The following PAK3 variants were observed in gnomAD, a reference collection of about 807,000 sequenced individuals.
The protein encoded by PAK3 is serine/threonine-protein kinase PAK 3.
PAK3 carries 4 observed loss-of-function variants against 41.0 expected under a neutral mutation model. That is an observed-to-expected ratio of 0.10 (90% confidence interval 0.05 to 0.22). The LOEUF is 0.22. Among genes scored for constraint, PAK3 ranks in the 10% least tolerant of loss-of-function variants. The pLI is 1.00. For missense variants in PAK3, 205 were observed against 409.9 expected (o/e 0.50, Z 4.32); for synonymous variants, 146 against 139.6 (o/e 1.05, Z -0.32).
intron 8 of PAK3, among the ~76,000 whole-genome samples, chrX:111,161,379 T>A (rs373775233): frequency 0.05 from 5,583 of 111,303 alleles, 380 homozygotes; most frequent in African/African-American, 0.17. Flanking sequence ...CTTTGTCAGA[T>A]GAGTAGGTTG....
intron 1 of PAK3, among the ~76,000 whole-genome samples, chrX:111,006,306 G>T (rs2091922705): frequency 8.9e-6 from 1 of 111,850 alleles, no homozygotes; most frequent in Admixed American, 9.5e-5. Context: ...TAACCATGGT[G>T]CTGTGATTAC....
intron 1 of PAK3, among the ~76,000 whole-genome samples, chrX:110,945,736 T>C (rs2090604623): frequency 8.9e-6 from 1 of 112,016 alleles, no homozygotes. Flanking sequence ...GAGGTTTTTT[T>C]TTTCTTTCTT....
intron 1 of PAK3, among the ~76,000 whole-genome samples, chrX:110,962,258 A>G (rs750686758): frequency 3.1e-4 from 35 of 111,898 alleles, no homozygotes; most frequent in Middle Eastern, 9.2e-3. Flanking sequence ...TTTTAGAAAT[A>G]CTCTGACTCC....
chrX:110,948,040 C>T (rs1395607842), intron 1 of PAK3, among the ~76,000 whole-genome samples: 1 of 112,224 alleles, frequency 8.9e-6, no homozygotes, highest in Admixed American at 9.4e-5. Flanking sequence ...CCTGATAATG[C>T]AGGCCCAAAT....
At chrX:111,059,083 C>T (rs1369923966) in intron 1 of PAK3, among the ~76,000 whole-genome samples, 1 of 105,019 alleles carries the variant, frequency 9.5e-6, no homozygotes, top group Non-Finnish European at 1.9e-5. Flanking sequence ...TATCACGAGG[C>T]CCTGGTATTT....
chrX:110,994,331 A>G (rs561977427), intron 1 of PAK3, among the ~76,000 whole-genome samples: 2 of 111,821 alleles, frequency 1.8e-5, no homozygotes, highest in Admixed American at 1.9e-4. Context: ...TTGAAAATCT[A>G]TACTTGCCCT....
At chrX:111,183,675 T>A (rs16986414) in intron 11 of PAK3, among the ~76,000 whole-genome samples, 14,143 of 111,472 alleles carry the variant, frequency 0.13, 1,785 homozygotes, top group African/African-American at 0.4. Flanking sequence ...TGGCTTGACA[T>A]TGGCACTTGG....
At chrX:110,949,363 T>C (rs2090692465) in intron 1 of PAK3, among the ~76,000 whole-genome samples, 1 of 111,811 alleles carries the variant, frequency 8.9e-6, no homozygotes, top group Non-Finnish European at 1.9e-5. Flanking sequence ...ATATTCTACC[T>C]GAGATTCATG....
At chrX:111,168,374 G>A (rs2094291108) in intron 10 of PAK3, among the ~76,000 whole-genome samples, 1 of 110,897 alleles carries the variant, frequency 9.0e-6, no homozygotes, top group African/African-American at 3.3e-5. Flanking sequence ...TCTCCCTATT[G>A]TGTCACAGTG....
intron 1 of PAK3, among the ~76,000 whole-genome samples, chrX:110,990,031 G>A (rs1235495809): frequency 8.9e-6 from 1 of 111,861 alleles, no homozygotes; most frequent in East Asian, 2.8e-4. Flanking sequence ...AGTCTTTATA[G>A]GAATGTTATT....
In PAK3 at chrX:111,008,497, C is replaced by G. The variant is rs773876405; in HGVS notation, c.-28+63869C>G. On this transcript the variant is annotated intron_variant, in intron 1 of 14. Coordinates refer to the PAK3 transcript ENST00000425146. ...TTTCCCTGAGGGCGGAGGCCCTATC[C>G]TTTATACCATTTCTGGTGTCTCCAT... 5.5e-4 allele frequency among the ~76,000 whole-genome samples: 62 copies of G among 112,835 alleles called. 2 individuals are homozygous for G. Among genetic ancestry groups the G allele is most frequent in the Non-Finnish European group, 2.2e-4 (12 of 53,369 alleles).
At chrX:111,155,675 T>C (rs941371196) in intron 8 of PAK3, among the ~76,000 whole-genome samples, 13 of 111,317 alleles carry the variant, frequency 1.2e-4, no homozygotes, top group Admixed American at 7.6e-4. Context: ...ACTTGGTATG[T>C]ATTTGTTGAA....
In PAK3 at chrX:111,086,965, C is replaced by T. The variant is rs188680070; in HGVS notation, c.-27-36112C>T. On this transcript the variant is annotated intron_variant, in intron 1 of 14. Coordinates refer to the PAK3 transcript ENST00000425146. ...TGAATGCAAAGTGCACTTAGAGTGGCGCTTTAAAAACGTGTGTTAGCGTAC... is the reference window on the plus strand; with the variant it reads ...TGAATGCAAAGTGCACTTAGAGTGGTGCTTTAAAAACGTGTGTTAGCGTAC... Among the ~76,000 whole-genome samples the T allele has an allele frequency of 1.9e-4, 21 of 111,377 alleles. No homozygotes were observed. In the East Asian group the frequency reaches 3.4e-3, roughly 18 times the overall value.
intron 1 of PAK3, among the ~76,000 whole-genome samples, chrX:111,064,328 A>C (rs2092684270): frequency 9.0e-6 from 1 of 111,087 alleles, no homozygotes; most frequent in African/African-American, 3.3e-5. Context: ...CTGGGGGTAC[A>C]TGTGCAGGTT....
At chrX:111,029,393 TAAC>T (rs2092314143) in intron 1 of PAK3, among the ~76,000 whole-genome samples, 1 of 111,348 alleles carries the variant, frequency 9.0e-6, no homozygotes, top group South Asian at 3.8e-4. Flanking sequence ...CCCCAAAACT[TAAC>T]TACTAATAGC....
intron 1 of PAK3, among the ~76,000 whole-genome samples, chrX:111,018,895 A>G (rs1260924852): frequency 9.0e-6 from 1 of 111,655 alleles, no homozygotes; most frequent in Non-Finnish European, 1.9e-5. Flanking sequence ...TGACAGACAC[A>G]TATACCAATG....
At chrX:110,966,936 C>A (rs985781682) in intron 1 of PAK3, among the ~76,000 whole-genome samples, 3 of 112,214 alleles carry the variant, frequency 2.7e-5, no homozygotes, top group Non-Finnish European at 5.6e-5. Context: ...ATCCTGCCCC[C>A]AAGAATGCCC....
At chrX:111,184,948 G>T (rs2094495520) in intron 11 of PAK3, among the ~76,000 whole-genome samples, 2 of 111,211 alleles carry the variant, frequency 1.8e-5, no homozygotes, top group Admixed American at 9.5e-5. Flanking sequence ...TGATATTTCT[G>T]GTTCTAGACC....
chrX:111,190,066 G>A (rs1416631710), intron 11 of PAK3, among the ~76,000 whole-genome samples: 2 of 111,675 alleles, frequency 1.8e-5, no homozygotes, highest in Non-Finnish European at 3.8e-5. Context: ...CACACTTACA[G>A]AAGTGAGGAA....
Sources: allele counts gnomAD v4.1 joint callset (sites outside exome capture counted in the v4.1 genomes callset), GRCh38; gene constraint gnomAD v4.1.1; transcripts MANE v1.5; gene names NCBI Gene and HGNC (gene_info 2026-07-23, HGNC 2026-07-21).